Variants in SOBP observed in about 807,000 individuals in gnomAD.
SOBP encodes the protein sine oculis-binding protein homolog.
SOBP carries 4 observed loss-of-function variants against 53.6 expected under a neutral mutation model. That is an observed-to-expected ratio of 0.07 (90% confidence interval 0.04 to 0.17). SOBP has a LOEUF of 0.17. Ranked by LOEUF, SOBP falls within the 10% of genes least tolerant of loss-of-function variation. SOBP has a pLI of 1.00. For synonymous variants in SOBP, 584 were observed against 522.6 expected (o/e 1.12, Z -1.60); for missense variants, 1,088 against 1,204.7 (o/e 0.90, Z 1.43).
chr6:107,510,882 G>A (rs1290807677), intron 3 of SOBP: 1 of 152,208 alleles, frequency 6.6e-6, no homozygotes, highest in African/African-American at 2.4e-5. Flanking sequence ...TCAAGATAGG[G>A]AAGATGAGGA....
chr6:107,588,195 G>A (rs920742920), intron 5 of SOBP, among the ~76,000 whole-genome samples: 2 of 152,116 alleles, frequency 1.3e-5, no homozygotes, highest in African/African-American at 4.8e-5. Flanking sequence ...ACAGTCTTTG[G>A]ATTTAGCTCT....
intron 4 of SOBP, among the ~76,000 whole-genome samples, chr6:107,573,438 A>G (rs1037513386): frequency 4.0e-5 from 6 of 151,896 alleles, no homozygotes; most frequent in Admixed American, 3.3e-4. Context: ...TGTGCCAGGC[A>G]TTGTGTGGGG....
At chr6:107,587,964 C>T (rs139399477) in intron 5 of SOBP, among the ~76,000 whole-genome samples, 8 of 152,296 alleles carry the variant, frequency 5.3e-5, no homozygotes, top group African/African-American at 1.7e-4. Context: ...GATTCAAACA[C>T]TCCTTTTGAA....
intron 4 of SOBP, among the ~76,000 whole-genome samples, chr6:107,546,945 A>T (rs149805245): frequency 1.1e-4 from 16 of 152,314 alleles, no homozygotes; most frequent in Middle Eastern, 3.4e-3. Context: ...AACCTGGGGA[A>T]GGAGTGGATG....
intron 1 of SOBP, among the ~76,000 whole-genome samples, chr6:107,495,191 G>A (rs2114933130): frequency 6.6e-6 from 1 of 152,322 alleles, no homozygotes; most frequent in East Asian, 1.9e-4. Context: ...TGTGCCACGT[G>A]GCAGGGATGG....
intron 5 of SOBP, among the ~76,000 whole-genome samples, chr6:107,589,147 C>T (rs1396818339): frequency 6.6e-6 from 1 of 152,184 alleles, no homozygotes; most frequent in Non-Finnish European, 1.5e-5. Flanking sequence ...AAGCTCCACT[C>T]CAAAGTACTT....
At chr6:107,610,796 G>A (rs867899827) in intron 5 of SOBP, among the ~76,000 whole-genome samples, 9 of 148,944 alleles carry the variant, frequency 6.0e-5, no homozygotes, top group East Asian at 2.0e-4. Context: ...GTGTGCACAC[G>A]CACACACACA....
chr6:107,659,544 A>T lies in SOBP; in HGVS notation c.*1341A>T, dbSNP rs886380269. 6.6e-6 allele frequency: 1 copy of T among 152,410 alleles called. No individual in the cohort carries two copies. Among genetic ancestry groups the T allele is most frequent in the African/African-American group, 2.4e-5 (1 of 41,380 alleles). 9.4% of individuals were successfully genotyped at this position (152,410 alleles called of 1,614,324 possible). The stretch of plus-strand genomic sequence containing the variant: ...AAAGGAAGAAAACTAAAAAAAAAAA[A>T]AATCAAATCACCTTGTGATTCAGTG... On this transcript the variant is annotated 3_prime_UTR_variant, in exon 7 of 7. Coordinates refer to ENST00000317357, the MANE Select transcript of SOBP (RefSeq NM_018013.4).
intron 5 of SOBP, among the ~76,000 whole-genome samples, chr6:107,629,176 A>AT (rs1020241545): frequency 2.7e-5 from 4 of 147,992 alleles, no homozygotes; most frequent in South Asian, 2.2e-4. Context: ...GCACGTGAAG[A>AT]TTTTTTTTGT....
intron 4 of SOBP, among the ~76,000 whole-genome samples, chr6:107,564,364 C>T (rs1181714257): frequency 3.3e-5 from 5 of 152,142 alleles, no homozygotes; most frequent in African/African-American, 1.2e-4. Context: ...ATGGAAATCT[C>T]TCCCCCAGGA....
At chr6:107,652,007 G>A (rs1484134957) in intron 6 of SOBP, among the ~76,000 whole-genome samples, 4 of 152,158 alleles carry the variant, frequency 2.6e-5, no homozygotes, top group Non-Finnish European at 1.5e-5. Flanking sequence ...AATGCATTTG[G>A]TCATCCAAGA....
intron 6 of SOBP, among the ~76,000 whole-genome samples, chr6:107,653,828 G>A (rs1387856601): frequency 6.6e-6 from 1 of 152,152 alleles, no homozygotes; most frequent in Non-Finnish European, 1.5e-5. Context: ...TTTTGGGAGT[G>A]GTTGCCTGGA....
intron 4 of SOBP, among the ~76,000 whole-genome samples, chr6:107,563,976 T>G (rs1784845698): frequency 6.6e-6 from 1 of 152,200 alleles, no homozygotes; most frequent in South Asian, 2.1e-4. Flanking sequence ...CTAGTATCCA[T>G]TTTTGTACAG....
chr6:107,527,863 C>G (rs1414202276), intron 3 of SOBP, among the ~76,000 whole-genome samples: 1 of 152,164 alleles, frequency 6.6e-6, no homozygotes, highest in Non-Finnish European at 1.5e-5. Context: ...TTCTGGCAAT[C>G]CTTAGTTATA....
At chr6:107,654,137 A>C (rs2114254789) in intron 6 of SOBP, among the ~76,000 whole-genome samples, 1 of 152,362 alleles carries the variant, frequency 6.6e-6, no homozygotes, top group East Asian at 1.9e-4. Context: ...CCTCTGGCCA[A>C]AAGGGGCAGG....
intron 4 of SOBP, among the ~76,000 whole-genome samples, chr6:107,539,852 C>A (rs945826371): frequency 1.3e-5 from 2 of 152,180 alleles, no homozygotes; most frequent in East Asian, 3.8e-4. Flanking sequence ...TCTTACAGGT[C>A]ATTTTGATGT....
chr6:107,525,587 A>G (rs1399812283), intron 3 of SOBP, among the ~76,000 whole-genome samples: 2 of 152,216 alleles, frequency 1.3e-5, no homozygotes, highest in Non-Finnish European at 2.9e-5. Context: ...ACACGGGAAG[A>G]TGAATACTAT....
At chr6:107,532,241 T>TCTCACACACA (rs373567492) in intron 3 of SOBP, among the ~76,000 whole-genome samples, 2,543 of 139,680 alleles carry the variant, frequency 0.018, 33 homozygotes, top group Middle Eastern at 0.049. Context: ...TCTCTCTCTC[T>TCTCACACACA]CACACACACA....
At chr6:107,532,263 ACACACACAC>A (rs1374232466) in intron 3 of SOBP, among the ~76,000 whole-genome samples, 1 of 150,852 alleles carries the variant, frequency 6.6e-6, no homozygotes. Flanking sequence ...ACACACACAC[ACACACACAC>A]CACACACACA....
Sources: allele counts gnomAD v4.1 joint callset (sites outside exome capture counted in the v4.1 genomes callset), GRCh38; gene constraint gnomAD v4.1.1; transcripts MANE v1.5; gene names NCBI Gene and HGNC (gene_info 2026-07-23, HGNC 2026-07-21).